The following HECTD4 variants were observed in gnomAD, a reference collection of about 807,000 sequenced individuals.
The protein encoded by HECTD4 is probable E3 ubiquitin-protein ligase HECTD4.
In HECTD4, 114 loss-of-function variants were observed where a neutral mutation model predicts 471.5. The observed-to-expected ratio is 0.24, with a 90% CI of 0.21 to 0.28. The LOEUF is 0.28. Ranked by LOEUF, HECTD4 falls within the 10% of genes least tolerant of loss-of-function variation. The pLI is 1.00. For missense variants in HECTD4, 3,866 were observed against 5,651.5 expected, an observed-to-expected ratio of 0.68 and a Z score of 10.13; for synonymous variants, 2,012 against 2,256.0, an observed-to-expected ratio of 0.89 and a Z score of 3.07.
chr12:112,184,410 G>A lies in HECTD4; in HGVS notation c.10556C>T (p.Pro3519Leu). Residue 3519 changes from proline (P) to leucine (L), a missense_variant, in exon 61 of 76, where the codon CCC (proline) becomes CTC (leucine). Pro to Leu is a moderately conservative substitution (Grantham distance 98, BLOSUM62 -3). Transcript: ENST00000682272. The surrounding 1 kb of genome is among the most constrained non-coding windows in gnomAD (Gnocchi z 9.1). ...GGGCTCCAACAGGCCCGGAGGGATG[G>A]GCAGCTCGAGGCCGGCAGGCAGCGG... Reference protein sequence around the residue: ...VDPLPAGLELPIPPGLLEPHA... With the variant: ...VDPLPAGLELLIPPGLLEPHA... 6.2e-7 allele frequency: 1 copy of A among 1,606,070 alleles called. No individual in the cohort carries two copies. Among genetic ancestry groups the A allele is most frequent in the Non-Finnish European group, 8.5e-7 (1 of 1,177,064 alleles).
At position 112,180,859 on chromosome 12, in the gene HECTD4, A is replaced by G. The variant is rs142407049; in HGVS notation, c.10988-1462T>C. Among the ~76,000 whole-genome samples the G allele has an allele frequency of 5.6e-4, 86 of 152,300 alleles. No individual in the cohort carries two copies. In the Middle Eastern group the frequency reaches 0.01, roughly 18 times the overall value. ...GTGAGCCCACCGAGGTCTTTGCTCA[A>G]TGCCAGGCAAGATTTAAGAAAACGC... On this transcript the variant is annotated intron_variant, in intron 62 of 75. Transcript: ENST00000682272.
Position 112,259,183 on chromosome 12 carries a change from T to C in HECTD4, c.2956A>G (p.Asn986Asp). Residue 986 changes from asparagine to aspartate, a missense_variant, in exon 19 of 76, where the codon AAT (asparagine) becomes GAT (aspartate). Physicochemically the swap from Asn to Asp is conservative, Grantham distance 23. Transcript: ENST00000682272. Reference sequence around the variant, plus strand: ...TCCGCCATGATCAGAGTCTGTAAATTTGGATGCATCAAGGAGGTCAGTAAC... The same window carrying C: ...TCCGCCATGATCAGAGTCTGTAAATCTGGATGCATCAAGGAGGTCAGTAAC... ...PVLLTSLMHP[N>D]LQTLIMADAL... 5 of 1,613,842 alleles carry C rather than the reference T, an allele frequency of 3.1e-6. No individual in the cohort carries two copies. The highest frequency in any genetic ancestry group is 1.1e-5 in the South Asian group (1 of 91,062).
At chr12:112,317,476 T>C (rs2035502144) in intron 2 of HECTD4, among the ~76,000 whole-genome samples, 1 of 152,214 alleles carries the variant, frequency 6.6e-6, no homozygotes, top group Admixed American at 6.5e-5. Flanking sequence ...CTCCCACAGA[T>C]GTTTGGCTAA....
intron 48 of HECTD4, 88 bp from the exon 49 acceptor site, chr12:112,212,738 C>T: frequency 9.8e-7 from 1 of 1,017,350 alleles, no homozygotes; most frequent in East Asian, 2.7e-5. Flanking sequence ...CCCTACACAT[C>T]ACAGACTATT....
rs577302811 is a variant in HECTD4, at chr12:112,225,206, G to A, written c.6970+1437C>T. On this transcript the variant is annotated intron_variant, in intron 44 of 75. Transcript: ENST00000682272. Reference sequence around the variant, plus strand: ...ATACAGACAAATTTAAAAATAAAAAGAAAACAACAGAAATGACCACAATGT... The same window carrying A: ...ATACAGACAAATTTAAAAATAAAAAAAAAACAACAGAAATGACCACAATGT... Among the ~76,000 whole-genome samples, 5 of 149,102 alleles carry A rather than the reference G, an allele frequency of 3.4e-5. No individual in the cohort carries two copies. In the Admixed American group the frequency reaches 3.4e-4, roughly 10 times the overall value.
intron 1 of HECTD4, among the ~76,000 whole-genome samples, chr12:112,334,313 G>A (rs1413571417): frequency 6.6e-6 from 1 of 150,590 alleles, no homozygotes; most frequent in African/African-American, 2.4e-5. Context: ...AATCTACAGT[G>A]AACTCAAACA....
chr12:112,313,331 T>C (rs894204167), intron 3 of HECTD4, among the ~76,000 whole-genome samples, 184 bp from the exon 4 acceptor site: 1 of 151,952 alleles, frequency 6.6e-6, no homozygotes, highest in Non-Finnish European at 1.5e-5. Context: ...TCTTTTTTTT[T>C]TGAGACAGAG....
rs529527860 is a variant in HECTD4, at chr12:112,374,922, T to C, written c.177+7030A>G. Among the ~76,000 whole-genome samples, 4 of 152,332 alleles carry C rather than the reference T, an allele frequency of 2.6e-5. No homozygotes were observed. The East Asian group carries it at 5.8e-4, about 22-fold the overall frequency. ...GTTCCATTTGTTAATTAACATATAA[T>C]TGGCGTACAGTAAACTGCACATATT... On this transcript the variant is annotated intron_variant, in intron 1 of 75. Coordinates refer to ENST00000682272, the MANE Select transcript of HECTD4 (RefSeq NM_001388303.1).
intron 2 of HECTD4, among the ~76,000 whole-genome samples, chr12:112,317,948 C>T (rs970673638): frequency 1.5e-5 from 2 of 129,510 alleles, no homozygotes; most frequent in Admixed American, 7.9e-5. Context: ...GAGAGCAAGA[C>T]CCCATCTCAA....
intron 49 of HECTD4, among the ~76,000 whole-genome samples, chr12:112,211,952 G>A (rs191983012): frequency 1.3e-5 from 2 of 152,290 alleles, no homozygotes; most frequent in Non-Finnish European, 2.9e-5. Flanking sequence ...TTAGGGAAAG[G>A]TCTGGGATAG....
At position 112,167,400 on chromosome 12, in the gene HECTD4, G is replaced by C; in HGVS notation, c.12451C>G (p.Leu4151Val). ...LDLLPSFWKT[L>V]VGEPLDPEQD... is the part of the protein sequence containing the mutation. ...TCAGGGTCCAAGGGCTCGCCCACCA[G>C]CGTCTTCCAGAAGGAGGGCAGGAGG... Residue 4151 changes from leucine (L) to valine (V), a missense_variant, in exon 72 of 76, where the codon CTG becomes GTG. By Grantham distance (32) the Leu-to-Val change is conservative. Around this residue, in one of 16 missense-constraint regions of HECTD4, gnomAD observed 715 missense variants for 1,087.6 expected, o/e 0.66. Transcript: ENST00000682272. 6.2e-7 allele frequency: 1 copy of C among 1,613,856 alleles called. No homozygotes were observed. Among genetic ancestry groups the C allele is most frequent in the Non-Finnish European group, 8.5e-7 (1 of 1,179,872 alleles).
rs1381437836 is a variant in HECTD4 at position 112,229,683 on chromosome 12, C to T, written c.6519+15G>A. 6.2e-7 allele frequency: 1 copy of T among 1,600,462 alleles called. No homozygotes were observed. Among genetic ancestry groups the T allele is most frequent in the Non-Finnish European group, 8.5e-7 (1 of 1,171,076 alleles). On this transcript the variant is annotated intron_variant, in intron 41 of 75. Transcript: ENST00000682272. ...ATGGGGGAAGCAATGATTTGGGGAA[C>T]ATGGTGGTTGGTACCTGAACCTCGG... is the stretch of plus-strand genomic sequence containing the variant.
chr12:112,232,161 T>C (rs996495611), intron 38 of HECTD4, among the ~76,000 whole-genome samples: 2 of 152,166 alleles, frequency 1.3e-5, no homozygotes, highest in Non-Finnish European at 2.9e-5. Context: ...GATTGAGTCT[T>C]GCTCTGTTGC....
chr12:112,376,395 C>T (rs1457739722), intron 1 of HECTD4, among the ~76,000 whole-genome samples: 1 of 151,928 alleles, frequency 6.6e-6, no homozygotes, highest in Non-Finnish European at 1.5e-5. Flanking sequence ...TACAGGCGCC[C>T]GCCACCACGC....
intron 9 of HECTD4, among the ~76,000 whole-genome samples, chr12:112,277,941 A>C (rs2034561334): frequency 6.6e-6 from 1 of 152,186 alleles, no homozygotes; most frequent in Admixed American, 6.5e-5. Flanking sequence ...CAAGATTTTT[A>C]CATGTCTGTC....
chr12:112,215,749 C>T (rs2032900845), intron 48 of HECTD4, among the ~76,000 whole-genome samples: 1 of 152,166 alleles, frequency 6.6e-6, no homozygotes, highest in Non-Finnish European at 1.5e-5. Context: ...AAGTGATTTT[C>T]TTGCCTCAGC....
At chr12:112,334,635 T>C (rs1045304095) in intron 1 of HECTD4, among the ~76,000 whole-genome samples, 1 of 34,760 alleles carries the variant, frequency 2.9e-5, no homozygotes, top group Non-Finnish European at 6.0e-5. Context: ...CTACTAAAAA[T>C]ACAAAAAAAA....
intron 7 of HECTD4, among the ~76,000 whole-genome samples, chr12:112,303,257 C>T (rs1219213890): frequency 6.6e-6 from 1 of 152,156 alleles, no homozygotes; most frequent in African/African-American, 2.4e-5. Flanking sequence ...CACGGTCTAC[C>T]ACCTTGTCTC....
intron 44 of HECTD4, among the ~76,000 whole-genome samples, chr12:112,221,921 A>AT (rs2033108488): frequency 1.7e-5 from 2 of 117,648 alleles, no homozygotes; most frequent in African/African-American, 6.9e-5. Flanking sequence ...TGCTCGGCTG[A>AT]TTTTTCTTTT....
Sources: allele counts gnomAD v4.1 joint callset (sites outside exome capture counted in the v4.1 genomes callset), GRCh38; gene constraint gnomAD v4.1.1; regional missense constraint gnomAD v4.1.1; non-coding constraint Gnocchi (gnomAD v3.1); transcripts MANE v1.5; gene names NCBI Gene and HGNC (gene_info 2026-07-23, HGNC 2026-07-21).